The following FSHR variants were observed in gnomAD, a reference collection of about 807,000 sequenced individuals.
FSHR encodes the protein follicle-stimulating hormone receptor.
FSHR carries 46 observed loss-of-function variants against 52.1 expected under a neutral mutation model. That is an observed-to-expected ratio of 0.88 (90% CI 0.70 to 1.13). The LOEUF is 1.13. Among genes scored for constraint, FSHR ranks in the 50% most tolerant of loss-of-function variants. The probability of loss-of-function intolerance (pLI) is 0.00; values close to 1 mark genes in which losing one functional copy is unlikely to be tolerated. For synonymous variants in FSHR, 399 were observed against 309.6 expected, an observed-to-expected ratio of 1.29 and a Z score of -3.03; for missense variants, 964 against 834.6, an observed-to-expected ratio of 1.16 and a Z score of -1.91.
intron 1 of FSHR, among the ~76,000 whole-genome samples, chr2:49,134,678 G>A (rs867253948): frequency 4.6e-5 from 7 of 152,238 alleles, no homozygotes; most frequent in Middle Eastern, 3.4e-3. Flanking sequence ...ATGTCCATCA[G>A]TGATAGACTG....
At chr2:49,084,039 T>A (rs1424036835) in intron 1 of FSHR, among the ~76,000 whole-genome samples, 2 of 150,912 alleles carry the variant, frequency 1.3e-5, no homozygotes, top group Admixed American at 1.3e-4. Context: ...CAACAGAATA[T>A]ACATTTTTTT....
intron 6 of FSHR, among the ~76,000 whole-genome samples, chr2:48,985,102 CCA>C (rs572932724): frequency 1.8e-4 from 16 of 89,392 alleles, no homozygotes; most frequent in African/African-American, 6.9e-4. Flanking sequence ...TATTTGAAAA[CCA>C]GATGATGACG....
intron 8 of FSHR, among the ~76,000 whole-genome samples, chr2:48,973,266 A>ACACACACGCACATG (rs146365090): frequency 1.3e-5 from 2 of 151,016 alleles, no homozygotes; most frequent in Admixed American, 6.6e-5. Flanking sequence ...ACACACACAC[A>ACACACACGCACATG]CACATGCACA....
intron 1 of FSHR, among the ~76,000 whole-genome samples, chr2:49,128,277 G>A (rs1156505061): frequency 6.6e-6 from 1 of 152,086 alleles, no homozygotes; most frequent in Non-Finnish European, 1.5e-5. Context: ...TTGAATAAAT[G>A]AGTGAATGAA....
At chr2:49,134,329 G>T (rs1672406988) in intron 1 of FSHR, among the ~76,000 whole-genome samples, 1 of 152,192 alleles carries the variant, frequency 6.6e-6, no homozygotes, top group South Asian at 2.1e-4. Flanking sequence ...CATCATCACT[G>T]GCCATCAGAG....
chr2:49,025,223 A>T (rs561849164), intron 2 of FSHR, among the ~76,000 whole-genome samples: 28 of 152,272 alleles, frequency 1.8e-4, no homozygotes, highest in African/African-American at 5.8e-4. Context: ...AATTCAACAA[A>T]TGTTCAACGA....
intron 1 of FSHR, among the ~76,000 whole-genome samples, chr2:49,130,366 C>G (rs750253821): frequency 6.6e-6 from 1 of 152,132 alleles, no homozygotes; most frequent in African/African-American, 2.4e-5. Flanking sequence ...ATCTCAGTGT[C>G]CTCAATAGCC....
At chr2:49,002,490 G>A (rs1171069993) in intron 4 of FSHR, among the ~76,000 whole-genome samples, 1 of 152,070 alleles carries the variant, frequency 6.6e-6, no homozygotes, top group African/African-American at 2.4e-5. Context: ...CAGGGCTGGG[G>A]AGGCCTCAGG....
intron 1 of FSHR, among the ~76,000 whole-genome samples, chr2:49,140,716 A>AG (rs927175395): frequency 5.4e-5 from 8 of 147,454 alleles, no homozygotes; most frequent in African/African-American, 2.0e-4. Context: ...AAAAAGAGAG[A>AG]AAAAAAAAAA....
chr2:49,119,267 G>T (rs1264996899), intron 1 of FSHR, among the ~76,000 whole-genome samples: 2 of 152,100 alleles, frequency 1.3e-5, no homozygotes, highest in Non-Finnish European at 2.9e-5. Flanking sequence ...GTGATTTTTT[G>T]TTACTGTGCT....
chr2:48,991,443 AG>A (rs1040386857), intron 4 of FSHR, among the ~76,000 whole-genome samples: 9 of 152,304 alleles, frequency 5.9e-5, no homozygotes, highest in African/African-American at 1.4e-4. Context: ...GATCTGAGTG[AG>A]GGAGAGTAGT....
chr2:49,144,495 T>A (rs983842267), intron 1 of FSHR, among the ~76,000 whole-genome samples: 17 of 152,178 alleles, frequency 1.1e-4, no homozygotes, highest in African/African-American at 4.1e-4. Context: ...ATCAGGGGCA[T>A]GATAAGCAAT....
intron 1 of FSHR, among the ~76,000 whole-genome samples, chr2:49,100,092 TA>T (rs1286848098): frequency 2.0e-5 from 3 of 152,192 alleles, no homozygotes; most frequent in African/African-American, 7.2e-5. Flanking sequence ...TTAACTCATG[TA>T]ATCTTCACAA....
At position 49,068,272 on chromosome 2, in the gene FSHR, C is replaced by T. The variant is rs776243997; in HGVS notation, c.171G>A (p.Lys57=). The T allele has an allele frequency of 7.4e-6, 12 of 1,611,616 alleles. No individual in the cohort carries two copies. The South Asian group carries it at 1.2e-4, about 16-fold the overall frequency. The change falls in exon 2 of 10, where the codon AAG becomes AAA. Residue 57 remains lysine, a synonymous_variant. Transcript: ENST00000406846. ...ATGCACCTTTTTGGATGACTCGAAG[C>T]TTGGTGAGGACAAACCTCCTGCAAA... The part of the protein sequence containing the change: ...NAIELRFVLT[K]LRVIQKGAFS...
At chr2:49,102,952 T>A (rs1671088047) in intron 1 of FSHR, among the ~76,000 whole-genome samples, 1 of 152,148 alleles carries the variant, frequency 6.6e-6, no homozygotes, top group Non-Finnish European at 1.5e-5. Flanking sequence ...GTTTCTCGAT[T>A]TTTTTCTCCC....
chr2:48,989,842 C>G (rs997900740), intron 5 of FSHR, among the ~76,000 whole-genome samples: 1 of 152,146 alleles, frequency 6.6e-6, no homozygotes, highest in Admixed American at 6.5e-5. Flanking sequence ...CCCCGTCAAC[C>G]TTCCCTGTTA....
At chr2:49,032,830 G>T (rs1423522636) in intron 2 of FSHR, among the ~76,000 whole-genome samples, 2 of 152,108 alleles carry the variant, frequency 1.3e-5, no homozygotes, top group Non-Finnish European at 2.9e-5. Flanking sequence ...TTTCAGCTGT[G>T]AATAGCCACC....
chr2:49,029,146 C>T (rs1049760033), intron 2 of FSHR, among the ~76,000 whole-genome samples: 4 of 152,170 alleles, frequency 2.6e-5, no homozygotes, highest in Admixed American at 6.5e-5. Flanking sequence ...AAAATTCTTC[C>T]TCAAAACGAA....
chr2:49,054,578 C>T (rs532609056), intron 2 of FSHR, among the ~76,000 whole-genome samples: 77 of 152,248 alleles, frequency 5.1e-4, no homozygotes, highest in African/African-American at 1.6e-3. Context: ...CAACCATGCA[C>T]CCATGCCTCT....
Sources: gnomAD v4.1 joint callset for allele counts (sites outside exome capture counted in the v4.1 genomes callset) on GRCh38, gnomAD v4.1.1 for gene constraint, MANE v1.5 for transcripts, NCBI Gene and HGNC (gene_info 2026-07-23, HGNC 2026-07-21) for gene names.